The following SOX5 variants were observed in gnomAD, a reference collection of about 807,000 sequenced individuals.
SOX5 encodes SRY-box transcription factor 5.
Under a neutral mutation model 92.0 loss-of-function variants are expected in SOX5, and 9 were observed. The ratio of observed to expected loss-of-function variants is 0.10; its 90% CI spans 0.06 to 0.17. The LOEUF is 0.17. Among genes scored for constraint, SOX5 ranks in the 10% least tolerant of loss-of-function variants. The pLI, the probability that SOX5 is intolerant of heterozygous loss-of-function variation, is 1.00. For missense variants in SOX5, 642 were observed against 944.5 expected (o/e 0.68, Z 4.20); for synonymous variants, 344 against 336.3 (o/e 1.02, Z -0.25).
intron 11 of SOX5, among the ~76,000 whole-genome samples, chr12:23,562,987 A>C (rs1353101726): frequency 2.6e-5 from 4 of 152,202 alleles, no homozygotes; most frequent in African/African-American, 7.2e-5. Context: ...CAGATATTTC[A>C]AATGCCATTT....
At chr12:23,853,711 C>T (rs774645645) in intron 2 of SOX5, among the ~76,000 whole-genome samples, 2 of 151,980 alleles carry the variant, frequency 1.3e-5, no homozygotes, top group Admixed American at 6.6e-5. Context: ...TAGAAAATTG[C>T]TAATACATTA....
At chr12:23,734,868 C>T (rs16926690) in intron 5 of SOX5, 116 bp from the exon 6 acceptor site, 37,486 of 695,432 alleles carry the variant, frequency 0.054, 1,293 homozygotes, top group Middle Eastern at 0.07. Context: ...TGAAAATAGA[C>T]GTGTCTGTGC....
intron 1 of SOX5, among the ~76,000 whole-genome samples, chr12:23,935,039 A>T (rs947124302): frequency 6.6e-6 from 1 of 151,412 alleles, no homozygotes; most frequent in East Asian, 1.9e-4. Flanking sequence ...TTAAAAGATT[A>T]AGACTTAAAA....
At chr12:24,184,690 C>T (rs138915738) in intron 4 of SOX5, among the ~76,000 whole-genome samples, 3 of 152,196 alleles carry the variant, frequency 2.0e-5, no homozygotes, top group East Asian at 1.9e-4. Flanking sequence ...CTTGGTGAAA[C>T]ATTACCTGGC....
At chr12:24,316,015 C>T (rs1949664415) in intron 2 of SOX5, among the ~76,000 whole-genome samples, 1 of 152,214 alleles carries the variant, frequency 6.6e-6, no homozygotes, top group Non-Finnish European at 1.5e-5. Context: ...GGTGATCAGA[C>T]AACTGTGAAG....
Position 24,224,681 on chromosome 12 carries a change from T to TA in SOX5, c.-76-11265dup, listed in dbSNP as rs1009929655. 2.0e-5 allele frequency among the ~76,000 whole-genome samples: 3 copies of TA among 152,298 alleles called. No homozygotes were observed. In the East Asian group the frequency reaches 5.8e-4, roughly 29 times the overall value. ...TATTTATTCTATATATCCACATTTT[T>TA]AAAAAATTTCAGATCTTGCCTTCTT... On this transcript the variant is annotated intron_variant, in intron 3 of 4. Coordinates refer to the SOX5 transcript ENST00000446891.
intron 8 of SOX5, among the ~76,000 whole-genome samples, chr12:23,639,854 T>C (rs1390131113): frequency 1.3e-5 from 2 of 152,208 alleles, no homozygotes; most frequent in Non-Finnish European, 2.9e-5. Flanking sequence ...TATAAAACTA[T>C]ATTTTCCTTA....
At chr12:23,834,645 G>C (rs533521880) in intron 3 of SOX5, among the ~76,000 whole-genome samples, 5 of 151,962 alleles carry the variant, frequency 3.3e-5, no homozygotes, top group African/African-American at 1.2e-4. Context: ...CAAAAGTAAG[G>C]AGTTTAACAC....
intron 1 of SOX5, among the ~76,000 whole-genome samples, chr12:24,456,525 T>C (rs1943037063): frequency 6.6e-6 from 1 of 152,200 alleles, no homozygotes; most frequent in South Asian, 2.1e-4. Context: ...GTCTACTGAC[T>C]ATGCCAGGAT....
intron 4 of SOX5, among the ~76,000 whole-genome samples, chr12:24,128,808 T>C (rs781589236): frequency 3.9e-5 from 6 of 152,170 alleles, no homozygotes; most frequent in Non-Finnish European, 5.9e-5. Flanking sequence ...ATCTGATTGA[T>C]ATCGTCCTTG....
At chr12:23,538,711 C>T (rs2135934442) in intron 13 of SOX5, among the ~76,000 whole-genome samples, 1 of 151,750 alleles carries the variant, frequency 6.6e-6, no homozygotes, top group Non-Finnish European at 1.5e-5. Context: ...AATAGGAATA[C>T]ACTGATAAAT....
intron 3 of SOX5, among the ~76,000 whole-genome samples, chr12:23,839,813 G>C (rs1454550371): frequency 1.5e-5 from 2 of 134,742 alleles, no homozygotes; most frequent in Non-Finnish European, 3.1e-5. Flanking sequence ...ATAGAGTGAG[G>C]CCTTCTCAAC....
At chr12:23,545,630 A>G (rs1942977893) in intron 12 of SOX5, among the ~76,000 whole-genome samples, 1 of 152,130 alleles carries the variant, frequency 6.6e-6, no homozygotes, top group African/African-American at 2.4e-5. Context: ...GTAAGAAACT[A>G]TCGTGGAAAT....
intron 12 of SOX5, among the ~76,000 whole-genome samples, chr12:23,544,858 A>C (rs1440745764): frequency 6.6e-6 from 1 of 152,232 alleles, no homozygotes; most frequent in Admixed American, 6.5e-5. Context: ...TGGGTTTGTA[A>C]CTAGCAAGTG....
chr12:23,709,757 A>C (rs11833903), intron 6 of SOX5, among the ~76,000 whole-genome samples: 1 of 152,176 alleles, frequency 6.6e-6, no homozygotes, highest in Non-Finnish European at 1.5e-5. Flanking sequence ...TTTGACTTAC[A>C]TACTGAAAAT....
intron 2 of SOX5, among the ~76,000 whole-genome samples, chr12:23,882,948 G>A (rs571474512): frequency 1.3e-5 from 2 of 152,186 alleles, no homozygotes; most frequent in East Asian, 3.9e-4. Context: ...TTGGAAGGCC[G>A]AGGCAGGTGG....
intron 1 of SOX5, among the ~76,000 whole-genome samples, chr12:24,445,233 T>C (rs891353456): frequency 6.6e-6 from 1 of 152,204 alleles, no homozygotes; most frequent in Non-Finnish European, 1.5e-5. Flanking sequence ...AGCTACATGA[T>C]GGTCAAATTT....
chr12:23,598,364 C>G (rs1952814149), intron 9 of SOX5, among the ~76,000 whole-genome samples: 1 of 139,724 alleles, frequency 7.2e-6, no homozygotes, highest in Non-Finnish European at 1.5e-5. Context: ...CTCATGAAGT[C>G]TCTTTGTTGT....
intron 2 of SOX5, among the ~76,000 whole-genome samples, chr12:23,869,864 C>A (rs1045600189): frequency 6.6e-6 from 1 of 152,088 alleles, no homozygotes; most frequent in African/African-American, 2.4e-5. Flanking sequence ...GTAATACTCC[C>A]CACAATATTA....
Sources: allele counts gnomAD v4.1 joint callset (sites outside exome capture counted in the v4.1 genomes callset), GRCh38; gene constraint gnomAD v4.1.1; transcripts MANE v1.5; gene names NCBI Gene and HGNC (gene_info 2026-07-23, HGNC 2026-07-21).